The following DSC3 variants were observed in gnomAD, a reference collection of about 807,000 sequenced individuals.
DSC3 encodes desmocollin-3.
Under a neutral mutation model 89.5 loss-of-function variants are expected in DSC3, and 97 were observed. The ratio of observed to expected loss-of-function variants is 1.08; its 90% confidence interval spans 0.92 to 1.28. DSC3 has a LOEUF of 1.28. DSC3 is among the 50% of genes most tolerant of loss of function. The probability of loss-of-function intolerance (pLI) is 0.00; values close to 1 mark genes in which losing one functional copy is unlikely to be tolerated. For synonymous variants in DSC3, 436 were observed against 384.1 expected, an observed-to-expected ratio of 1.14 and a Z score of -1.58; for missense variants, 1,199 against 1,085.3, an observed-to-expected ratio of 1.10 and a Z score of -1.47.
At chr18:31,042,254 C>T (rs1986157491) in intron 1 of DSC3, among the ~76,000 whole-genome samples, 1 of 152,216 alleles carries the variant, frequency 6.6e-6, no homozygotes, top group Non-Finnish European at 1.5e-5. Flanking sequence ...CCACCATCAC[C>T]ACCAGCTCCA....
In DSC3 at chr18:31,006,292, G is replaced by GTATTATTATTATTATTATTATTAT. The variant is rs138302615; in HGVS notation, c.1888+614_1888+615insATAATAATAATAATAATAATAATA. On this transcript the variant is annotated intron_variant, in intron 12 of 15. Transcript: ENST00000360428. ...CTTCTGCTCTCTCCTCACCTCGCTG[G>GTATTATTATTATTATTATTATTAT]TATTATTATTATTATTATTATTTTG... 8.1e-3 allele frequency among the ~76,000 whole-genome samples: 1,211 copies of GTATTATTATTATTATTATTATTAT among 149,858 alleles called. 16 individuals are homozygous for GTATTATTATTATTATTATTATTAT. Among genetic ancestry groups the GTATTATTATTATTATTATTATTAT allele is most frequent in the African/African-American group, 0.025 (1,027 of 40,588 alleles).
chr18:31,030,859 CAAAAT>C (rs1192774735), intron 3 of DSC3, 109 bp downstream of exon 3: 1 of 994,530 alleles, frequency 1.0e-6, no homozygotes, highest in Non-Finnish European at 1.5e-6. Context: ...GGAAAGGAAA[CAAAAT>C]GAAAACAAAA....
chr18:31,004,488 A>G (rs186364553), intron 12 of DSC3, 122 bp from the exon 13 acceptor site: 385 of 834,510 alleles, frequency 4.6e-4, no homozygotes, highest in Admixed American at 1.8e-3. Context: ...ATGAAAATAA[A>G]TAAAAATGGA....
chr18:31,006,830 G>A, intron 12 of DSC3, 77 bp downstream of exon 12: 3 of 1,174,052 alleles, frequency 2.6e-6, no homozygotes, highest in Non-Finnish European at 3.7e-6. Context: ...CATGCTTTGT[G>A]TAAGTAAGCA....
intron 7 of DSC3, 72 bp from the exon 8 acceptor site, chr18:31,018,872 ACACT>A (rs1047282642): frequency 6.6e-4 from 896 of 1,354,186 alleles, no homozygotes; most frequent in Non-Finnish European, 7.9e-4. Context: ...CCTCAATTGC[ACACT>A]CACTCACTCA....
At chr18:31,027,216 A>G (rs972260327) in intron 4 of DSC3, among the ~76,000 whole-genome samples, 1 of 152,124 alleles carries the variant, frequency 6.6e-6, no homozygotes, top group Non-Finnish European at 1.5e-5. Context: ...TCAAACGAAA[A>G]TAAACCAAAA....
At chr18:31,039,243 A>G (rs1986062151) in intron 1 of DSC3, among the ~76,000 whole-genome samples, 1 of 152,200 alleles carries the variant, frequency 6.6e-6, no homozygotes, top group African/African-American at 2.4e-5. Flanking sequence ...CAGACGAATC[A>G]TTAAATCCTG....
At position 31,004,292 on chromosome 18, in the gene DSC3, T is replaced by C. The variant is rs1422830727; in HGVS notation, c.1963A>G (p.Arg655Gly). ...EYTIPITVKD[R>G]AGQAATKLLR... is the part of the protein sequence containing the mutation. The stretch of plus-strand genomic sequence containing the variant: ...AATTTTGTTGCAGCTTGGCCGGCCC[T>C]GTCTTTTACAGTAATAGGAATGGTA... Residue 655 changes from arginine (R) to glycine (G), a missense_variant, in exon 13 of 16, where the codon AGG becomes GGG. Coordinates refer to ENST00000360428, the MANE Select transcript of DSC3 (RefSeq NM_001941.5). 3.7e-6 allele frequency: 6 copies of C among 1,614,044 alleles called. No individual in the cohort carries two copies. The highest frequency in any genetic ancestry group is 3.3e-4 in the Middle Eastern group (2 of 6,056).
In DSC3 at chr18:31,036,500, A is replaced by G. The variant is rs192146780; in HGVS notation, c.70-4224T>C. 3.1e-3 allele frequency among the ~76,000 whole-genome samples: 473 copies of G among 152,080 alleles called. 2 individuals carry two copies. The highest frequency in any genetic ancestry group is 0.011 in the African/African-American group (448 of 41,484). On this transcript the variant is annotated intron_variant, in intron 1 of 15. Transcript: ENST00000360428. ...CAATTTTGTTTTTTTCATTTGACAC[A>G]TCTTTATTAAAATTTTCTGTATACC...
intron 1 of DSC3, among the ~76,000 whole-genome samples, chr18:31,035,714 A>T (rs888373601): frequency 6.6e-6 from 1 of 151,726 alleles, no homozygotes; most frequent in Non-Finnish European, 1.5e-5. Context: ...CTAGATCTTT[A>T]AAAAAAATGA....
At chr18:31,027,176 G>A (rs1471778237) in intron 4 of DSC3, among the ~76,000 whole-genome samples, 1 of 152,062 alleles carries the variant, frequency 6.6e-6, no homozygotes, top group Non-Finnish European at 1.5e-5. Context: ...CTTCTACAGT[G>A]TCCTCTCATA....
rs549851106 is a variant in DSC3, at chr18:31,033,887, G to T, written c.70-1611C>A. 3.3e-5 allele frequency among the ~76,000 whole-genome samples: 5 copies of T among 152,240 alleles called. No homozygotes were observed. In the South Asian group the frequency reaches 6.2e-4, roughly 19 times the overall value. On this transcript the variant is annotated intron_variant, in intron 1 of 15. Coordinates refer to ENST00000360428, the MANE Select transcript of DSC3 (RefSeq NM_001941.5). ...CGCCCAGTCTGGAGTGCAGTGGCAC[G>T]ATCTAGGCTCCCTGCAAGCTCCGCC...
At chr18:31,034,066 C>T (rs1312244688) in intron 1 of DSC3, among the ~76,000 whole-genome samples, 1 of 152,180 alleles carries the variant, frequency 6.6e-6, no homozygotes, top group Non-Finnish European at 1.5e-5. Context: ...ACCTCGTGAT[C>T]CGCCCGCCTC....
rs1265243942 is a variant in DSC3, at chr18:30,992,062, G to C, written c.*2113C>G. ...CGCCTGTAGTCCCAGCTACTCAGGA[G>C]GCTGAGGCAGGAGAATGGCGTGAAC... On this transcript the variant is annotated 3_prime_UTR_variant, in exon 16 of 16. Transcript: ENST00000360428. 1 of 151,632 alleles carries C rather than the reference G, an allele frequency of 6.6e-6. No individual in the cohort carries two copies. Among genetic ancestry groups the C allele is most frequent in the Non-Finnish European group, 1.5e-5 (1 of 68,064 alleles). 9.4% of individuals were successfully genotyped at this position (151,632 alleles called of 1,614,324 possible).
At chr18:30,997,588 A>G (rs1984520280) in intron 14 of DSC3, among the ~76,000 whole-genome samples, 1 of 152,170 alleles carries the variant, frequency 6.6e-6, no homozygotes, top group South Asian at 2.1e-4. Context: ...GCTTTTAGGG[A>G]CAAATTTCAC....
intron 12 of DSC3, 133 bp downstream of exon 12, chr18:31,006,774 G>T: frequency 2.8e-6 from 2 of 720,642 alleles, no homozygotes; most frequent in East Asian, 2.7e-5. Flanking sequence ...TTTGTAAAAG[G>T]TTAGTTTATC....
intron 6 of DSC3, among the ~76,000 whole-genome samples, chr18:31,023,168 C>G (rs1985482214): frequency 6.6e-6 from 1 of 151,922 alleles, no homozygotes. Flanking sequence ...AACTAATTAC[C>G]CCTTTTTGAA....
At chr18:31,034,319 A>C (rs1458302711) in intron 1 of DSC3, among the ~76,000 whole-genome samples, 1 of 152,196 alleles carries the variant, frequency 6.6e-6, no homozygotes, top group Non-Finnish European at 1.5e-5. Flanking sequence ...GGGAAATGGT[A>C]ATCTAAACCA....
At position 31,018,774 on chromosome 18, in the gene DSC3, C is replaced by T. The variant is rs777231339; in HGVS notation, c.969G>A (p.Met323Ile). ...ACTGGCCATCCATGTCTTGTACTTTCATTATCAATGAGTACTTGTCTACAA... is the reference window on the plus strand; with the variant it reads ...ACTGGCCATCCATGTCTTGTACTTTTATTATCAATGAGTACTTGTCTACAA... Reference protein sequence around the residue: ...REVVDKYSLIMKVQDMDGQFF... With the variant: ...REVVDKYSLIIKVQDMDGQFF... Residue 323 changes from methionine to isoleucine, a missense_variant, in exon 8 of 16, where the codon ATG becomes ATA. Transcript: ENST00000360428. 14 of 1,613,648 alleles carry T rather than the reference C, an allele frequency of 8.7e-6. No individual in the cohort carries two copies. In the East Asian group the frequency reaches 3.1e-4, roughly 36 times the overall value.
Sources: allele counts gnomAD v4.1 joint callset (sites outside exome capture counted in the v4.1 genomes callset), GRCh38; gene constraint gnomAD v4.1.1; transcripts MANE v1.5; gene names NCBI Gene and HGNC (gene_info 2026-07-23, HGNC 2026-07-21).